CD96: variants seen among roughly 807,000 people sequenced by gnomAD.
CD96 encodes the protein T-cell surface protein tactile.
CD96 carries 70 observed loss-of-function variants against 71.3 expected under a neutral mutation model. The observed-to-expected ratio is 0.98, with a 90% CI of 0.81 to 1.20. CD96 has a LOEUF of 1.20. Among genes scored for constraint, CD96 ranks in the 50% most tolerant of loss-of-function variants. The pLI, the probability that CD96 is intolerant of heterozygous loss-of-function variation, is 0.00. For synonymous variants in CD96, 248 were observed against 233.0 expected, an observed-to-expected ratio of 1.06 and a Z score of -0.59; for missense variants, 742 against 677.5, an observed-to-expected ratio of 1.10 and a Z score of -1.06.
At chr3:111,620,772 T>C (rs1938483782) in intron 8 of CD96, among the ~76,000 whole-genome samples, 1 of 152,192 alleles carries the variant, frequency 6.6e-6, no homozygotes. Context: ...AACATAGATG[T>C]CTAAGTTGGG....
At chr3:111,618,615 C>T (rs370965323) in intron 8 of CD96, among the ~76,000 whole-genome samples, 7 of 139,178 alleles carry the variant, frequency 5.0e-5, no homozygotes, top group African/African-American at 1.9e-4. Context: ...GACAGAGTCT[C>T]GCTCTGTTGC....
At chr3:111,552,454 T>A (rs971814332) in intron 2 of CD96, among the ~76,000 whole-genome samples, 7 of 152,150 alleles carry the variant, frequency 4.6e-5, no homozygotes, top group Admixed American at 4.6e-4. Flanking sequence ...AGAACTGAGA[T>A]AAACAAATAT....
intron 10 of CD96, chr3:111,634,283 A>G (rs1939218304): frequency 1.3e-5 from 2 of 152,338 alleles, no homozygotes; most frequent in South Asian, 4.1e-4. Flanking sequence ...CTGCCCATCA[A>G]TAGTGTCTTT....
At chr3:111,547,452 T>G (rs758043631) in intron 2 of CD96, among the ~76,000 whole-genome samples, 14 of 152,280 alleles carry the variant, frequency 9.2e-5, no homozygotes, top group South Asian at 2.1e-4. Flanking sequence ...CAGTAAACAA[T>G]ACTATTGCCT....
In CD96 at chr3:111,624,295, G is replaced by A. The variant is rs200437376; in HGVS notation, c.1250-38G>A. ...AAAGCAAAGTTAAATTACAGCTTTC[G>A]AAAAAAGCTGGATTCTGAAAATAAT... On this transcript the variant is annotated intron_variant, in intron 9 of 13. Transcript: ENST00000352690. The A allele has an allele frequency of 1.7e-4, 241 of 1,415,346 alleles. 2 individuals are homozygous for A. The African/African-American group carries it at 2.6e-3, about 15-fold the overall frequency. 87.7% of individuals were successfully genotyped at this position (1,415,346 alleles called of 1,614,324 possible). A position where few individuals can be genotyped will look rare whatever the true frequency, so the allele number is the denominator to read the frequency against.
intron 5 of CD96, among the ~76,000 whole-genome samples, chr3:111,597,319 T>C (rs975428365): frequency 6.6e-6 from 1 of 152,114 alleles, no homozygotes; most frequent in Non-Finnish European, 1.5e-5. Flanking sequence ...GAAAGTATCA[T>C]CCCCCAAAGA....
At chr3:111,596,289 A>T (rs1937259189) in intron 5 of CD96, among the ~76,000 whole-genome samples, 1 of 152,290 alleles carries the variant, frequency 6.6e-6, no homozygotes, top group South Asian at 2.1e-4. Flanking sequence ...TGGGGGAAAA[A>T]GATTCAAAAT....
At chr3:111,652,776 G>C (rs914208008), downstream of CD96, among the ~76,000 whole-genome samples, 1 of 151,986 alleles carries the variant, frequency 6.6e-6, no homozygotes, top group Admixed American at 6.6e-5. Context: ...CTGTGAGCTT[G>C]ACCACCCTTA....
intron 2 of CD96, among the ~76,000 whole-genome samples, chr3:111,565,462 T>A (rs945654062): frequency 6.6e-6 from 1 of 152,136 alleles, no homozygotes; most frequent in Non-Finnish European, 1.5e-5. Flanking sequence ...ATTTGACTGA[T>A]GTTCATTAAA....
chr3:111,619,366 T>C (rs542860650), intron 8 of CD96, among the ~76,000 whole-genome samples: 1 of 152,342 alleles, frequency 6.6e-6, no homozygotes, highest in African/African-American at 2.4e-5. Context: ...TCTGAGCTAG[T>C]ATAAACAAAA....
At chr3:111,557,953 AT>A (rs1212583294) in intron 2 of CD96, among the ~76,000 whole-genome samples, 1 of 141,822 alleles carries the variant, frequency 7.1e-6, no homozygotes, top group Non-Finnish European at 1.5e-5. Flanking sequence ...TAGGTATTTT[AT>A]TCTCTTTGAA....
intron 5 of CD96, among the ~76,000 whole-genome samples, chr3:111,586,405 A>G (rs1007308969): frequency 6.6e-6 from 1 of 152,154 alleles, no homozygotes; most frequent in Non-Finnish European, 1.5e-5. Context: ...CATAGCTTAG[A>G]TTGTTTGAGA....
At chr3:111,649,674 G>A (rs756862362) in intron 13 of CD96, 24 bp from the exon 14 acceptor site, 2 of 1,434,470 alleles carry the variant, frequency 1.4e-6, no homozygotes, top group Non-Finnish European at 2.0e-6. Context: ...TCTTAGCATT[G>A]AAAGACCAAT....
chr3:111,640,293 AC>A (rs1447527803), intron 12 of CD96, among the ~76,000 whole-genome samples: 3 of 152,236 alleles, frequency 2.0e-5, no homozygotes, highest in African/African-American at 4.8e-5. Flanking sequence ...AAGAAAAAAA[AC>A]AATCAAAAGT....
At chr3:111,602,715 A>C (rs907067705) in intron 7 of CD96, among the ~76,000 whole-genome samples, 4 of 152,190 alleles carry the variant, frequency 2.6e-5, no homozygotes, top group Non-Finnish European at 4.4e-5. Flanking sequence ...TGAACTCCGG[A>C]GTAAACTTCT....
chr3:111,660,315 G>A (rs925773034), intron 14 of CD96, among the ~76,000 whole-genome samples: 65 of 152,118 alleles, frequency 4.3e-4, no homozygotes, highest in African/African-American at 1.4e-3. Context: ...CCAAGGAAGT[G>A]AACAATCTCT....
At chr3:111,660,656 G>C (rs1158691286) in intron 14 of CD96, among the ~76,000 whole-genome samples, 1 of 152,124 alleles carries the variant, frequency 6.6e-6, no homozygotes, top group Non-Finnish European at 1.5e-5. Flanking sequence ...GCTTGGTTCT[G>C]GTACAAAAAC....
intron 2 of CD96, among the ~76,000 whole-genome samples, chr3:111,547,492 G>A (rs968439772): frequency 6.6e-6 from 1 of 152,108 alleles, no homozygotes; most frequent in African/African-American, 2.4e-5. Flanking sequence ...CCTTCATTGA[G>A]ACTTGGCAAC....
intron 3 of CD96, among the ~76,000 whole-genome samples, chr3:111,569,582 G>A (rs1258353808): frequency 6.6e-6 from 1 of 152,224 alleles, no homozygotes; most frequent in Non-Finnish European, 1.5e-5. Flanking sequence ...AGAGCAGAAA[G>A]TTCCTATCCC....
Sources: gnomAD v4.1 joint callset for allele counts (sites outside exome capture counted in the v4.1 genomes callset) on GRCh38, gnomAD v4.1.1 for gene constraint, MANE v1.5 for transcripts, NCBI Gene and HGNC (gene_info 2026-07-23, HGNC 2026-07-21) for gene names.